Variants in DPH6 observed in about 807,000 individuals in gnomAD.
The protein encoded by DPH6 is diphthine--ammonia ligase.
DPH6 carries 33 observed loss-of-function variants against 38.2 expected under a neutral mutation model. That is an observed-to-expected ratio of 0.86 (90% CI 0.65 to 1.15). The LOEUF is 1.15. Ranked by LOEUF, DPH6 falls within the 50% of genes most tolerant of loss-of-function variation. The probability of loss-of-function intolerance (pLI) is 0.00; values close to 1 mark genes in which losing one functional copy is unlikely to be tolerated. For synonymous variants in DPH6, 108 were observed against 103.0 expected (o/e 1.05, Z -0.30); for missense variants, 325 against 320.0 (o/e 1.02, Z -0.12).
chr15:35,156,504 TG>T, the DPH6 span, among the ~76,000 whole-genome samples: 2 of 152,000 alleles, frequency 1.3e-5, no homozygotes, highest in Non-Finnish European at 2.9e-5. Flanking sequence ...TCAAGCTCTG[TG>T]TGTGGGAGTG....
chr15:35,536,422 A>G lies in DPH6; in HGVS notation c.312+1852T>C, dbSNP rs979965420. Among the ~76,000 whole-genome samples the G allele has an allele frequency of 2.6e-5, 4 of 152,168 alleles. No individual in the cohort carries two copies. The South Asian group carries it at 8.3e-4, about 32-fold the overall frequency. ...ATTATCATGTACAAACTTCCAAAGC[A>G]TAAGTTGTCAAGAATTTAACATTAG... On this transcript the variant is annotated intron_variant, in intron 3 of 8. Transcript: ENST00000256538.
chr15:35,479,863 A>G (rs1170539282), intron 3 of DPH6, among the ~76,000 whole-genome samples: 1 of 152,164 alleles, frequency 6.6e-6, no homozygotes, highest in African/African-American at 2.4e-5. Flanking sequence ...TGAAAAGAAC[A>G]TTATCAAAAG....
chr15:35,302,027 T>C (rs1238428117), intron 3 of DPH6, among the ~76,000 whole-genome samples: 1 of 152,132 alleles, frequency 6.6e-6, no homozygotes, highest in Non-Finnish European at 1.5e-5. Context: ...CCAACATTTA[T>C]TGTAGTCAAT....
the DPH6 span, among the ~76,000 whole-genome samples, chr15:35,189,922 G>C: frequency 6.6e-6 from 1 of 152,166 alleles, no homozygotes; most frequent in African/African-American, 2.4e-5. Flanking sequence ...TGATTCTCTG[G>C]AATTTGAAGA....
chr15:35,344,391 A>G (rs1481111), intron 3 of DPH6, among the ~76,000 whole-genome samples: 55,177 of 151,728 alleles, frequency 0.36, 11,931 homozygotes, highest in African/African-American at 0.61. Flanking sequence ...CAAAATATAC[A>G]TAAGTATATG....
intron 5 of DPH6, among the ~76,000 whole-genome samples, chr15:35,441,312 A>G (rs140052175): frequency 1.3e-4 from 20 of 152,322 alleles, no homozygotes; most frequent in African/African-American, 4.8e-4. Flanking sequence ...ATTACTAGGT[A>G]TATACCCAAA....
At chr15:35,207,038 CTTTTTTTTTTT>C in the DPH6 span, among the ~76,000 whole-genome samples, 4 of 74,068 alleles carry the variant, frequency 5.4e-5, no homozygotes, top group African/African-American at 1.0e-4. Context: ...TTTAGTAAAG[CTTTTTTTTTTT>C]TTTTTTTTTT....
intron 3 of DPH6, among the ~76,000 whole-genome samples, chr15:35,492,296 G>A (rs560140097): frequency 7.4e-4 from 112 of 152,000 alleles, no homozygotes; most frequent in African/African-American, 2.6e-3. Context: ...ACACTCTCAC[G>A]GACACACCCA....
chr15:35,375,756 G>A lies in DPH6; in HGVS notation c.663-2148C>T, dbSNP rs1015241079. Among the ~76,000 whole-genome samples, 9 of 152,020 alleles carry A rather than the reference G, an allele frequency of 5.9e-5. No homozygotes were observed. In the East Asian group the frequency reaches 1.7e-3, roughly 29 times the overall value. ...CAACATCAAATGGGCAGCTGGGTTT[G>A]GTTTGGGCCTCTCTTCCTTGATACC... On this transcript the variant is annotated intron_variant, in intron 7 of 8. Coordinates refer to ENST00000256538, the MANE Select transcript of DPH6 (RefSeq NM_080650.4).
intron 3 of DPH6, among the ~76,000 whole-genome samples, chr15:35,349,185 C>G (rs1471146910): frequency 1.3e-5 from 2 of 152,090 alleles, no homozygotes; most frequent in Non-Finnish European, 2.9e-5. Flanking sequence ...AATTCCAACA[C>G]TACGTTGAAT....
chr15:35,237,734 A>C lies in DPH6; in HGVS notation n.201-17152T>G, dbSNP rs1267072232. Reference sequence around the variant, plus strand: ...GAACGACTACCGAGAAAATGTGTTCAAGCTCCTCCTGCAACTCACATATCT... The same window carrying C: ...GAACGACTACCGAGAAAATGTGTTCCAGCTCCTCCTGCAACTCACATATCT... On this transcript the variant is annotated intron_variant and non_coding_transcript_variant, in intron 3 of 3. Coordinates refer to the DPH6 transcript ENST00000560386. 6 of 1,613,594 alleles carry C rather than the reference A, an allele frequency of 3.7e-6. No homozygotes were observed. The African/African-American group carries it at 8.0e-5, about 22-fold the overall frequency.
chr15:35,233,046 GC>G (rs2051528889), intron 3 of DPH6, among the ~76,000 whole-genome samples: 1 of 152,138 alleles, frequency 6.6e-6, no homozygotes, highest in East Asian at 1.9e-4. Context: ...GGTGGCTCAT[GC>G]CTGTAATCTC....
intron 3 of DPH6, among the ~76,000 whole-genome samples, chr15:35,471,505 C>T (rs202119224): frequency 6.6e-6 from 1 of 152,298 alleles, no homozygotes; most frequent in East Asian, 1.9e-4. Context: ...TCCCTCCACA[C>T]CTCCCTACCT....
At chr15:35,208,307 T>C in the DPH6 span, among the ~76,000 whole-genome samples, 1 of 152,214 alleles carries the variant, frequency 6.6e-6, no homozygotes, top group Admixed American at 6.5e-5. Context: ...GTATTTTCTC[T>C]ATCAATCGAA....
rs1462836224 is a variant in DPH6 at position 35,372,221 on chromosome 15, G to T, written c.751-18C>A. ...GAGGACACCTAAAAAAAAAAGGGAA[G>T]GAAAGGGAAGGAAAATGCACCATAT... On this transcript the variant is annotated intron_variant, in intron 8 of 8. Transcript: ENST00000256538. 6.8e-7 allele frequency: 1 copy of T among 1,479,498 alleles called. No homozygotes were observed. Among genetic ancestry groups the T allele is most frequent in the Non-Finnish European group, 9.0e-7 (1 of 1,116,226 alleles). The allele number at this position is 1,479,498 out of a possible 1,614,324, so 91.6% of individuals were successfully genotyped here. A position where few individuals can be genotyped will look rare whatever the true frequency, so the allele number is the denominator to read the frequency against.
chr15:35,279,475 C>A (rs779267544), intron 3 of DPH6, among the ~76,000 whole-genome samples: 3 of 152,182 alleles, frequency 2.0e-5, no homozygotes, highest in Admixed American at 2.0e-4. Flanking sequence ...CAGGAGGGGC[C>A]TGGTGGGAGG....
At chr15:35,237,639 C>T in intron 3 of DPH6, 1 of 1,612,408 alleles carries the variant, frequency 6.2e-7, no homozygotes, top group Middle Eastern at 1.7e-4. Flanking sequence ...GACCTCAGCA[C>T]AACAGAGCCA....
the DPH6 span, among the ~76,000 whole-genome samples, chr15:35,192,962 G>T: frequency 3.3e-5 from 5 of 152,176 alleles, 1 homozygote; most frequent in Admixed American, 3.3e-4. Context: ...GTGGAAGTGA[G>T]GAGGAGACAG....
the DPH6 span, among the ~76,000 whole-genome samples, chr15:35,157,955 AT>A: frequency 1.3e-5 from 2 of 152,084 alleles, no homozygotes; most frequent in Non-Finnish European, 2.9e-5. Flanking sequence ...AAAAAAAAAA[AT>A]CCTTATCAGA....
Sources: allele counts gnomAD v4.1 joint callset (sites outside exome capture counted in the v4.1 genomes callset), GRCh38; gene constraint gnomAD v4.1.1; transcripts MANE v1.5; gene names NCBI Gene and HGNC (gene_info 2026-07-23, HGNC 2026-07-21).